The following MAGI2 variants were observed in gnomAD, a reference collection of about 807,000 sequenced individuals.
MAGI2 encodes membrane-associated guanylate kinase, WW and PDZ domain-containing protein 2.
A neutral mutation model predicts 133.3 loss-of-function variants in MAGI2; 35 were observed. That is an observed-to-expected ratio of 0.26 (90% CI 0.20 to 0.35). The LOEUF (loss-of-function observed/expected upper bound fraction) is 0.35, where lower values mean the gene tolerates loss of function less well. MAGI2 is among the 10% of genes least tolerant of loss of function. The pLI, the probability that MAGI2 is intolerant of heterozygous loss-of-function variation, is 1.00. For synonymous variants in MAGI2, 729 were observed against 710.6 expected (o/e 1.03, Z -0.41); for missense variants, 1,636 against 1,863.4 (o/e 0.88, Z 2.25).
At chr7:78,129,310 T>G (rs1821307235) in intron 18 of MAGI2, among the ~76,000 whole-genome samples, 1 of 136,864 alleles carries the variant, frequency 7.3e-6, no homozygotes, top group Non-Finnish European at 1.6e-5. Flanking sequence ...CATTGAAGAA[T>G]TCTTTAATAA....
At chr7:78,271,393 A>G (rs750650358) in intron 9 of MAGI2, among the ~76,000 whole-genome samples, 1 of 152,180 alleles carries the variant, frequency 6.6e-6, no homozygotes, top group Non-Finnish European at 1.5e-5. Flanking sequence ...GAGGTTCACC[A>G]GGGATATTGG....
intron 10 of MAGI2, among the ~76,000 whole-genome samples, chr7:78,237,777 TCCC>T (rs1418098018): frequency 1.3e-5 from 2 of 152,126 alleles, no homozygotes; most frequent in South Asian, 4.1e-4. Context: ...TTCCGCCTCA[TCCC>T]TGAATATATA....
chr7:78,259,616 A>G (rs957050676), intron 9 of MAGI2, among the ~76,000 whole-genome samples: 4 of 152,176 alleles, frequency 2.6e-5, no homozygotes, highest in African/African-American at 4.8e-5. Flanking sequence ...GGATGACTTG[A>G]GTATGATTGT....
chr7:78,898,575 T>C (rs1797383061), intron 2 of MAGI2, among the ~76,000 whole-genome samples: 1 of 152,138 alleles, frequency 6.6e-6, no homozygotes, highest in African/African-American at 2.4e-5. Context: ...ATACTGCATA[T>C]TCTCACTTAT....
intron 2 of MAGI2, among the ~76,000 whole-genome samples, chr7:78,816,339 G>A (rs1220570231): frequency 3.3e-5 from 5 of 152,182 alleles, no homozygotes; most frequent in African/African-American, 7.2e-5. Flanking sequence ...ACCAAGTGCC[G>A]ATGTAAAGCT....
intron 2 of MAGI2, among the ~76,000 whole-genome samples, chr7:78,697,982 G>A (rs1211723251): frequency 1.3e-5 from 2 of 152,146 alleles, no homozygotes; most frequent in East Asian, 1.9e-4. Flanking sequence ...TCTTTAGGAT[G>A]TTAGGAGGAC....
chr7:78,327,838 G>A (rs1788741395), intron 9 of MAGI2, among the ~76,000 whole-genome samples: 1 of 152,132 alleles, frequency 6.6e-6, no homozygotes, highest in Admixed American at 6.5e-5. Context: ...TCAGATGTAA[G>A]CCCTGGACTT....
chr7:78,373,075 A>C (rs1467285506), intron 6 of MAGI2, among the ~76,000 whole-genome samples: 1 of 152,142 alleles, frequency 6.6e-6, no homozygotes, highest in Non-Finnish European at 1.5e-5. Context: ...CTCTCCCCTC[A>C]GCCTTCTGAG....
chr7:79,129,463 G>T (rs1562922217), intron 1 of MAGI2, among the ~76,000 whole-genome samples: 1 of 152,142 alleles, frequency 6.6e-6, no homozygotes, highest in Non-Finnish European at 1.5e-5. Flanking sequence ...GGTTAGCAAC[G>T]TAATGCAACT....
At chr7:78,846,846 C>T (rs1324019005) in intron 2 of MAGI2, among the ~76,000 whole-genome samples, 1 of 151,544 alleles carries the variant, frequency 6.6e-6, no homozygotes, top group Non-Finnish European at 1.5e-5. Flanking sequence ...AAGTAAAACT[C>T]TTTCCAGGTG....
At position 79,428,994 on chromosome 7, in the gene MAGI2, A is replaced by AGACT. The variant is rs143313568; in HGVS notation, c.301+24022_301+24025dup. Among the ~76,000 whole-genome samples the AGACT allele has an allele frequency of 3.7e-4, 57 of 152,276 alleles. No individual in the cohort carries two copies. In the East Asian group the frequency reaches 8.7e-3, roughly 23 times the overall value. On this transcript the variant is annotated intron_variant, in intron 1 of 21. Transcript: ENST00000354212. ...CAAGTATAAAAACAATGATATAAGT[A>AGACT]GACTATATGTTGATATATAACAGAA...
At chr7:78,148,109 T>C (rs923262170) in intron 16 of MAGI2, among the ~76,000 whole-genome samples, 1 of 152,184 alleles carries the variant, frequency 6.6e-6, no homozygotes, top group African/African-American at 2.4e-5. Context: ...GAAGCTTTAT[T>C]TGTAATCACC....
intron 2 of MAGI2, among the ~76,000 whole-genome samples, chr7:78,815,644 T>G (rs1789504505): frequency 6.6e-6 from 1 of 152,224 alleles, no homozygotes. Context: ...TTCAAACTTT[T>G]TCATTATGAT....
At chr7:78,272,964 T>G (rs1356422579) in intron 9 of MAGI2, among the ~76,000 whole-genome samples, 1 of 152,226 alleles carries the variant, frequency 6.6e-6, no homozygotes, top group Non-Finnish European at 1.5e-5. Context: ...TTGTTATGTA[T>G]GAATTTGATC....
chr7:79,371,471 T>G (rs1022113227), intron 1 of MAGI2, among the ~76,000 whole-genome samples: 2 of 152,074 alleles, frequency 1.3e-5, no homozygotes, highest in African/African-American at 4.8e-5. Context: ...AAGATTAAAT[T>G]ATAGTATTTT....
chr7:78,583,058 CTCAAG>C (rs1484558997), intron 3 of MAGI2, among the ~76,000 whole-genome samples: 1 of 152,176 alleles, frequency 6.6e-6, no homozygotes, highest in Non-Finnish European at 1.5e-5. Flanking sequence ...TCAGATACCA[CTCAAG>C]TCAACACGGA....
At chr7:79,299,669 TA>T (rs1485701910) in intron 1 of MAGI2, among the ~76,000 whole-genome samples, 1 of 151,846 alleles carries the variant, frequency 6.6e-6, no homozygotes, top group Non-Finnish European at 1.5e-5. Flanking sequence ...AAAGATTCAC[TA>T]AAAAAACACA....
chr7:79,118,678 T>A (rs1196045085), intron 1 of MAGI2, among the ~76,000 whole-genome samples: 1 of 152,156 alleles, frequency 6.6e-6, no homozygotes, highest in Non-Finnish European at 1.5e-5. Flanking sequence ...TTGTAAGTTC[T>A]GTCTCAGAAA....
At chr7:78,111,179 G>C (rs1393574568) in intron 20 of MAGI2, among the ~76,000 whole-genome samples, 1 of 152,166 alleles carries the variant, frequency 6.6e-6, no homozygotes, top group South Asian at 2.1e-4. Flanking sequence ...GGCAAAGACA[G>C]AAAAATTACG....
Sources: allele counts gnomAD v4.1 joint callset (sites outside exome capture counted in the v4.1 genomes callset), GRCh38; gene constraint gnomAD v4.1.1; transcripts MANE v1.5; gene names NCBI Gene and HGNC (gene_info 2026-07-23, HGNC 2026-07-21).